PKNOX2: variants seen among roughly 807,000 people sequenced by gnomAD.
PKNOX2 encodes the protein homeobox protein PKNOX2.
PKNOX2 carries 14 observed loss-of-function variants against 53.1 expected under a neutral mutation model. That is an observed-to-expected ratio of 0.26 (90% CI 0.17 to 0.41). The LOEUF is 0.41. Ranked by LOEUF, PKNOX2 falls within the 10% of genes least tolerant of loss-of-function variation. PKNOX2 has a pLI of 1.00. For synonymous variants in PKNOX2, 257 were observed against 242.8 expected, an observed-to-expected ratio of 1.06 and a Z score of -0.54; for missense variants, 496 against 602.8, an observed-to-expected ratio of 0.82 and a Z score of 1.85.
At chr11:125,225,128 C>A (rs1941577519) in intron 1 of PKNOX2, among the ~76,000 whole-genome samples, 1 of 152,218 alleles carries the variant, frequency 6.6e-6, no homozygotes, top group Non-Finnish European at 1.5e-5. Flanking sequence ...CTACCCTCAA[C>A]ATGCCCCTGT....
At chr11:125,260,622 A>G (rs1339333487) in intron 2 of PKNOX2, among the ~76,000 whole-genome samples, 1 of 152,132 alleles carries the variant, frequency 6.6e-6, no homozygotes, top group Non-Finnish European at 1.5e-5. Context: ...TCTCTTCAAC[A>G]TGGCAGCTCA....
At chr11:125,400,126 A>T (rs1453202489) in intron 7 of PKNOX2, among the ~76,000 whole-genome samples, 1 of 152,096 alleles carries the variant, frequency 6.6e-6, no homozygotes, top group Admixed American at 6.5e-5. Context: ...AAGGCCATTG[A>T]TCAGCTGGGA....
At chr11:125,178,594 G>A (rs1401641974) in intron 1 of PKNOX2, among the ~76,000 whole-genome samples, 8 of 45,280 alleles carry the variant, frequency 1.8e-4, no homozygotes, top group African/African-American at 2.8e-4. Context: ...AGGAAGGAAG[G>A]AAGGAAGGAA....
intron 1 of PKNOX2, among the ~76,000 whole-genome samples, chr11:125,207,522 G>T (rs1044771149): frequency 6.6e-6 from 1 of 152,098 alleles, no homozygotes; most frequent in Non-Finnish European, 1.5e-5. Flanking sequence ...CACAGAGAGG[G>T]TAGGAGAGTT....
chr11:125,388,047 G>A (rs1165749508), intron 6 of PKNOX2, among the ~76,000 whole-genome samples: 6 of 152,064 alleles, frequency 3.9e-5, no homozygotes, highest in East Asian at 1.9e-4. Context: ...GGGCCCCTCC[G>A]TCAAGGTGCT....
At chr11:125,326,420 A>G (rs1191910225) in intron 2 of PKNOX2, among the ~76,000 whole-genome samples, 1 of 152,168 alleles carries the variant, frequency 6.6e-6, no homozygotes, top group African/African-American at 2.4e-5. Flanking sequence ...TCAGATTTGA[A>G]AGTAGTGGGG....
chr11:125,400,442 G>A (rs1245536689), intron 7 of PKNOX2, among the ~76,000 whole-genome samples: 2 of 152,008 alleles, frequency 1.3e-5, no homozygotes, highest in Middle Eastern at 3.2e-3. Flanking sequence ...CATGTCATTC[G>A]CCTGCTCAGA....
chr11:125,315,028 C>T (rs544694577), intron 2 of PKNOX2, among the ~76,000 whole-genome samples: 5 of 152,262 alleles, frequency 3.3e-5, no homozygotes, highest in African/African-American at 9.6e-5. Context: ...AACCAGGAGC[C>T]GGACAGAGTC....
At chr11:125,239,337 C>G (rs201511014) in intron 2 of PKNOX2, among the ~76,000 whole-genome samples, 15 of 152,150 alleles carry the variant, frequency 9.9e-5, no homozygotes, top group Admixed American at 2.6e-4. Context: ...AGGGAATGCC[C>G]GCTTTCCAGA....
chr11:125,384,523 A>G (rs1463335640), intron 5 of PKNOX2, among the ~76,000 whole-genome samples: 1 of 152,146 alleles, frequency 6.6e-6, no homozygotes, highest in Non-Finnish European at 1.5e-5. Context: ...ATCTCTACTA[A>G]AAATACAAAA....
At chr11:125,389,186 C>T (rs2135402694) in intron 6 of PKNOX2, among the ~76,000 whole-genome samples, 1 of 149,656 alleles carries the variant, frequency 6.7e-6, no homozygotes, top group Middle Eastern at 3.4e-3. Flanking sequence ...CAAAGTAAGA[C>T]TCCATTTCAA....
At chr11:125,362,923 C>G (rs1177616778) in intron 4 of PKNOX2, among the ~76,000 whole-genome samples, 5 of 152,198 alleles carry the variant, frequency 3.3e-5, no homozygotes. Context: ...GCATATACAT[C>G]TGACAAGCCC....
intron 10 of PKNOX2, 74 bp from the exon 11 acceptor site, chr11:125,428,938 G>T: frequency 1.4e-6 from 2 of 1,451,608 alleles, no homozygotes. Context: ...AGTGCCCATG[G>T]CGTGGGCACA....
At chr11:125,282,044 T>G (rs1171690486) in intron 2 of PKNOX2, among the ~76,000 whole-genome samples, 1 of 152,218 alleles carries the variant, frequency 6.6e-6, no homozygotes, top group Non-Finnish European at 1.5e-5. Flanking sequence ...GCTGTTGTGG[T>G]GTCTGTCACT....
At chr11:125,181,333 T>C (rs1000031529) in intron 1 of PKNOX2, among the ~76,000 whole-genome samples, 6 of 152,156 alleles carry the variant, frequency 3.9e-5, no homozygotes, top group African/African-American at 1.2e-4. Flanking sequence ...TACGAGACAG[T>C]AGAGTGAGGT....
At chr11:125,245,302 G>C (rs1943476299) in intron 2 of PKNOX2, among the ~76,000 whole-genome samples, 1 of 152,202 alleles carries the variant, frequency 6.6e-6, no homozygotes, top group African/African-American at 2.4e-5. Context: ...ACAGGCCTGT[G>C]CCAAGTGCTT....
intron 3 of PKNOX2, among the ~76,000 whole-genome samples, chr11:125,341,359 C>CAA (rs375652054): frequency 8.7e-5 from 9 of 103,064 alleles, no homozygotes; most frequent in East Asian, 5.2e-4. Flanking sequence ...GATTCCGTCT[C>CAA]AAAAAAAAAA....
chr11:125,165,254 A>AC lies in PKNOX2; in HGVS notation c.-201+482dup, dbSNP rs1565459412. Among the ~76,000 whole-genome samples, 1 of 151,596 alleles carries AC rather than the reference A, an allele frequency of 6.6e-6. No individual in the cohort carries two copies. The highest frequency in any genetic ancestry group is 1.5e-5 in the Non-Finnish European group (1 of 67,866). On this transcript the variant is annotated intron_variant, in intron 1 of 12. Transcript: ENST00000298282. This position sits in a 1 kb window ranked among gnomAD's most constrained non-coding sequence, Gnocchi z 4.5. ...GCGGACTCGAATCGCCGCGGGCCCA[A>AC]CCCCGTAGCGGGCGGGCGGGGAGCT...
At chr11:125,212,934 C>T (rs1591482751) in intron 1 of PKNOX2, among the ~76,000 whole-genome samples, 1 of 152,146 alleles carries the variant, frequency 6.6e-6, no homozygotes, top group East Asian at 1.9e-4. Context: ...ATGTCTACCC[C>T]ATATGTAGGC....
Sources: allele counts gnomAD v4.1 joint callset (sites outside exome capture counted in the v4.1 genomes callset), GRCh38; gene constraint gnomAD v4.1.1; non-coding constraint Gnocchi (gnomAD v3.1); transcripts MANE v1.5; gene names NCBI Gene and HGNC (gene_info 2026-07-23, HGNC 2026-07-21).